Variants in MBL2 observed in about 807,000 individuals in gnomAD.
MBL2 encodes mannose binding lectin 2.
Under a neutral mutation model 12.7 loss-of-function variants are expected in MBL2, and 6 were observed. The observed-to-expected ratio is 0.47, with a 90% confidence interval of 0.26 to 0.94. The LOEUF (loss-of-function observed/expected upper bound fraction) is 0.94, where lower values mean the gene tolerates loss of function less well. Among genes scored for constraint, MBL2 ranks in the 40% least tolerant of loss-of-function variants. The probability of loss-of-function intolerance (pLI) is 0.15; values close to 1 mark genes in which losing one functional copy is unlikely to be tolerated. For synonymous variants in MBL2, 114 were observed against 112.0 expected (o/e 1.02, Z -0.11); for missense variants, 307 against 295.2 (o/e 1.04, Z -0.29).
At chr10:52,769,127 A>C in intron 4 of MBL2, 120 bp downstream of exon 4, 1 of 639,734 alleles carries the variant, frequency 1.6e-6, no homozygotes, top group Non-Finnish European at 2.7e-6. Flanking sequence ...GAATTTCATG[A>C]GGTAAGAATA....
intron 2 of MBL2, among the ~76,000 whole-genome samples, chr10:52,771,061 T>C (rs1840383579): frequency 6.6e-6 from 1 of 152,226 alleles, no homozygotes; most frequent in Non-Finnish European, 1.5e-5. Flanking sequence ...AGCCCACTGC[T>C]GCTGGATCTC....
intron 3 of MBL2, among the ~76,000 whole-genome samples, chr10:52,770,352 C>T (rs1294130123): frequency 6.6e-5 from 10 of 152,228 alleles, no homozygotes; most frequent in Non-Finnish European, 5.9e-5. Context: ...ATAATAAGCC[C>T]ACACTTAGAT....
In MBL2 at chr10:52,767,217, C is replaced by T. The variant is rs1326912912; in HGVS notation, c.*920G>A. ...AGGAATGTTCGTGGGTTCTCTTCCTCATGGCCAAAAATTGGAAGCCACTTA... is the reference window on the plus strand; with the variant it reads ...AGGAATGTTCGTGGGTTCTCTTCCTTATGGCCAAAAATTGGAAGCCACTTA... On this transcript the variant is annotated 3_prime_UTR_variant, in exon 5 of 5. Transcript: ENST00000674931. The T allele has an allele frequency of 6.6e-6, 1 of 151,968 alleles. No homozygotes were observed. Among genetic ancestry groups the T allele is most frequent in the East Asian group, 1.9e-4 (1 of 5,186 alleles). The allele number at this position is 151,968 out of a possible 1,614,324, so 9.4% of individuals were successfully genotyped here.
chr10:52,768,400 C>T lies in MBL2; in HGVS notation c.484G>A (p.Val162Met). ...KALCVKFQAS[V>M]ATPRNAAENG... ...TCTGCAGCATTCCTGGGGGTGGCCA[C>T]AGAGGCCTGGAACTTGACACACAAG... Residue 162 changes from valine to methionine, a missense_variant, in exon 5 of 5, where the codon GTG (valine) becomes ATG (methionine). Val to Met is a conservative substitution (Grantham distance 21, BLOSUM62 1). Transcript: ENST00000674931. The T allele has an allele frequency of 6.2e-7, 1 of 1,613,768 alleles. No individual in the cohort carries two copies. Among genetic ancestry groups the T allele is most frequent in the Middle Eastern group, 1.7e-4 (1 of 6,060 alleles).
intron 2 of MBL2, among the ~76,000 whole-genome samples, chr10:52,771,037 T>C (rs893813281): frequency 3.9e-5 from 6 of 152,228 alleles, no homozygotes; most frequent in Non-Finnish European, 8.8e-5. Flanking sequence ...CCAGTAGTTG[T>C]TGTTCTCCTG....
In MBL2 at chr10:52,769,229, G is replaced by A. The variant is rs997423040; in HGVS notation, c.373+18C>T. 2 of 1,578,864 alleles carry A rather than the reference G, an allele frequency of 1.3e-6. No individual in the cohort carries two copies. Among genetic ancestry groups the A allele is most frequent in the Non-Finnish European group, 1.7e-6 (2 of 1,158,720 alleles). ...TCCCAAACTTCAAGCTGCCTGGAGA[G>A]TAAGAGAAAAAGCTTACACTTTTTG... On this transcript the variant is annotated intron_variant, in intron 4 of 4. Coordinates refer to ENST00000674931, the MANE Select transcript of MBL2 (RefSeq NM_001378373.1).
At chr10:52,771,355 A>C in intron 2 of MBL2, 94 bp downstream of exon 2, 3 of 1,399,980 alleles carry the variant, frequency 2.1e-6, no homozygotes, top group South Asian at 2.7e-5. Flanking sequence ...AGTTGAGAAA[A>C]ATATACTCAA....
At chr10:52,770,810 G>T (rs750411202) in intron 2 of MBL2, 24 bp from the exon 3 acceptor site, 1 of 1,257,296 alleles carries the variant, frequency 8.0e-7, no homozygotes, top group Non-Finnish European at 1.1e-6. Flanking sequence ...AAGGAAATGT[G>T]ACTTAATATC....
At chr10:52,771,767 C>G in intron 1 of MBL2, 123 bp from the exon 2 acceptor site, 2 of 1,366,940 alleles carry the variant, frequency 1.5e-6, no homozygotes, top group Non-Finnish European at 1.9e-6. Context: ...TCCCTGGCCT[C>G]TAGCTGGGGA....
intron 1 of MBL2, among the ~76,000 whole-genome samples, chr10:52,772,264 C>T (rs1225804279): frequency 6.6e-6 from 1 of 152,142 alleles, no homozygotes; most frequent in Non-Finnish European, 1.5e-5. Flanking sequence ...GACAGGCTTG[C>T]CTGGGTAAGC....
intron 3 of MBL2, among the ~76,000 whole-genome samples, chr10:52,769,561 G>T (rs547707197): frequency 2.6e-5 from 4 of 152,084 alleles, no homozygotes; most frequent in Non-Finnish European, 5.9e-5. Context: ...CATATCACAT[G>T]CACACATATA....
Position 52,768,038 on chromosome 10 carries a change from A to C in MBL2, c.*99T>G, listed in dbSNP as rs553395892. On this transcript the variant is annotated 3_prime_UTR_variant, in exon 5 of 5. Transcript: ENST00000674931. ...AGTGATTGCCCACAAAAGGAACAAT[A>C]CTGGATATGAGGAAATTGATATAAT... The C allele has an allele frequency of 1.5e-4, 212 of 1,441,076 alleles. 1 individual carries two copies. In the East Asian group the frequency reaches 3.5e-3, roughly 23 times the overall value. 89.3% of individuals were successfully genotyped at this position (1,441,076 alleles called of 1,614,324 possible). A position where few individuals can be genotyped will look rare whatever the true frequency, so the allele number is the denominator to read the frequency against.
Position 52,768,470 on chromosome 10 carries a change from G to A in MBL2, c.414C>T (p.Phe138=), listed in dbSNP as rs781733142. 50 of 1,594,714 alleles carry A rather than the reference G, an allele frequency of 3.1e-5. No individual in the cohort carries two copies. In the Admixed American group the frequency reaches 8.6e-4, roughly 27 times the overall value. Residue 138 remains phenylalanine (F), a synonymous_variant, in exon 5 of 5, where the codon TTC becomes TTT. Transcript: ENST00000674931. The part of the protein sequence containing the change: ...FSLGKQVGNK[F]FLTNGEIMTF... Reference sequence around the variant, plus strand: ...TCATTATTTCACCATTGGTCAGGAAGAACTTGTTCCCAACTTGTTTGCCCA... The same window carrying A: ...TCATTATTTCACCATTGGTCAGGAAAAACTTGTTCCCAACTTGTTTGCCCA...
At position 52,765,659 on chromosome 10, in the gene MBL2, T is replaced by C. The variant is rs532921953; in HGVS notation, c.*2478A>G. The C allele has an allele frequency of 6.6e-6, 1 of 152,310 alleles. No homozygotes were observed. Among genetic ancestry groups the C allele is most frequent in the East Asian group, 1.9e-4 (1 of 5,174 alleles). 9.4% of individuals were successfully genotyped at this position (152,310 alleles called of 1,614,324 possible). A position where few individuals can be genotyped will look rare whatever the true frequency, so the allele number is the denominator to read the frequency against. ...ACACAAAGTAACTGGCTCTAGATCA[T>C]GTAGCAATTAAGTGACAGAGCTGTG... On this transcript the variant is annotated 3_prime_UTR_variant, in exon 5 of 5. Coordinates refer to ENST00000674931, the MANE Select transcript of MBL2 (RefSeq NM_001378373.1).
intron 1 of MBL2, 126 bp from the exon 2 acceptor site, chr10:52,771,770 G>A: frequency 4.4e-6 from 6 of 1,367,746 alleles, no homozygotes; most frequent in Non-Finnish European, 5.8e-6. Flanking sequence ...CTGGCCTCTA[G>A]CTGGGGATTT....
rs368692351 is a variant in MBL2 at position 52,768,241 on chromosome 10, T to C, written c.643A>G (p.Asn215Asp). Reference protein sequence around the residue: ...YTNWNEGEPNNAGSDEDCVLL... With the variant: ...YTNWNEGEPNDAGSDEDCVLL... Reference sequence around the variant, plus strand: ...ACACAATCTTCATCAGAACCAGCATTGTTGGGTTCACCCTCGTTCCAGTTT... The same window carrying C: ...ACACAATCTTCATCAGAACCAGCATCGTTGGGTTCACCCTCGTTCCAGTTT... Residue 215 changes from asparagine to aspartate, a missense_variant, in exon 5 of 5, where the codon AAT (asparagine) becomes GAT (aspartate). Transcript: ENST00000674931. The C allele has an allele frequency of 6.7e-5, 108 of 1,613,754 alleles. No homozygotes were observed. Among genetic ancestry groups the C allele is most frequent in the Non-Finnish European group, 7.8e-5 (92 of 1,180,038 alleles).
Position 52,770,660 on chromosome 10 carries a change from G to T in MBL2, c.304+10C>A. ...GGTGAAGTCAGCTCAGACCTTGCTG[G>T]GGTCCTTACCCGGACTTTTTCCAGG... On this transcript the variant is annotated intron_variant, in intron 3 of 4. Transcript: ENST00000674931. 2 of 1,434,052 alleles carry T rather than the reference G, an allele frequency of 1.4e-6. No homozygotes were observed. Among genetic ancestry groups the T allele is most frequent in the Non-Finnish European group, 1.9e-6 (2 of 1,079,994 alleles). 88.8% of individuals were successfully genotyped at this position (1,434,052 alleles called of 1,614,324 possible).
At chr10:52,771,742 G>C in intron 1 of MBL2, 98 bp from the exon 2 acceptor site, 1 of 1,460,030 alleles carries the variant, frequency 6.8e-7, no homozygotes, top group Non-Finnish European at 9.1e-7. Context: ...AGGCTATATA[G>C]AAATAGATGA....
rs1415613339 is a variant in MBL2, at chr10:52,771,556, T to A, written c.80A>T (p.Asp27Val). 6.2e-7 allele frequency: 1 copy of A among 1,613,948 alleles called. No individual in the cohort carries two copies. Among genetic ancestry groups the A allele is most frequent in the Non-Finnish European group, 8.5e-7 (1 of 1,179,900 alleles). Residue 27 changes from aspartate (D) to valine (V), a missense_variant, in exon 2 of 5, where the codon GAT (aspartate) becomes GTT (valine). Physicochemically the swap from Asp to Val is radical, Grantham distance 152. Transcript: ENST00000674931. ...CACTGCAGGGCAGGTCTTTTGGGCATCCTCACAGGTCACAGTTTCTGAGTA... is the reference window on the plus strand; with the variant it reads ...CACTGCAGGGCAGGTCTTTTGGGCAACCTCACAGGTCACAGTTTCTGAGTA... Reference protein sequence around the residue: ...ASYSETVTCEDAQKTCPAVIA... With the variant: ...ASYSETVTCEVAQKTCPAVIA...
Sources: gnomAD v4.1 joint callset for allele counts (sites outside exome capture counted in the v4.1 genomes callset) on GRCh38, gnomAD v4.1.1 for gene constraint, MANE v1.5 for transcripts, NCBI Gene and HGNC (gene_info 2026-07-23, HGNC 2026-07-21) for gene names.